RASGRP1: variants seen among roughly 807,000 people sequenced by gnomAD.
RASGRP1 encodes RAS guanyl-releasing protein 1.
Under a neutral mutation model 95.1 loss-of-function variants are expected in RASGRP1, and 37 were observed. That is an observed-to-expected ratio of 0.39 (90% CI 0.30 to 0.51). The LOEUF is 0.51. Ranked by LOEUF, RASGRP1 falls within the 20% of genes least tolerant of loss-of-function variation. The pLI is 0.80. For synonymous variants in RASGRP1, 325 were observed against 353.4 expected (o/e 0.92, Z 0.90); for missense variants, 711 against 965.4 (o/e 0.74, Z 3.49).
chr15:38,537,324 T>C (rs972867277), intron 2 of RASGRP1, among the ~76,000 whole-genome samples: 1 of 152,204 alleles, frequency 6.6e-6, no homozygotes, highest in Non-Finnish European at 1.5e-5. Flanking sequence ...TAGCAGCATT[T>C]GCTTCTGGGA....
chr15:38,494,576 G>A lies in RASGRP1; in HGVS notation c.2065C>T (p.Pro689Ser). The change falls in exon 16 of 17, where the codon CCC (proline) becomes TCC (serine). Residue 689 changes from proline (P) to serine (S), a missense_variant. By Grantham distance (74) the Pro-to-Ser change is moderately conservative. Coordinates refer to ENST00000310803, the MANE Select transcript of RASGRP1 (RefSeq NM_005739.4). ...PWIGSEGPSG[P>S]FVLSSPRKTA... is the part of the protein sequence containing the mutation. ...TTCCTTGGGGAAGACAGCACAAAGG[G>A]ACCTGAAGGGCCCTCACTGCCAATC... The A allele has an allele frequency of 6.4e-7, 1 of 1,565,556 alleles. No homozygotes were observed. Among genetic ancestry groups the A allele is most frequent in the Non-Finnish European group, 8.6e-7 (1 of 1,158,036 alleles).
intron 3 of RASGRP1, among the ~76,000 whole-genome samples, chr15:38,522,279 G>C (rs899493229): frequency 3.3e-5 from 5 of 152,066 alleles, no homozygotes; most frequent in Admixed American, 2.0e-4. Flanking sequence ...CAGTACCCTT[G>C]CAATCTTTTA....
intron 10 of RASGRP1, 62 bp downstream of exon 10, chr15:38,505,778 G>A: frequency 7.7e-7 from 1 of 1,306,182 alleles, no homozygotes; most frequent in Non-Finnish European, 1.1e-6. Context: ...GAGGATGAAT[G>A]AACTCGAGGA....
At chr15:38,533,238 G>C (rs1034714201) in intron 2 of RASGRP1, among the ~76,000 whole-genome samples, 2 of 152,190 alleles carry the variant, frequency 1.3e-5, no homozygotes, top group Admixed American at 6.5e-5. Flanking sequence ...GTGGTAATGG[G>C]AAAGCTAGGA....
chr15:38,538,950 G>A (rs1892762048), intron 2 of RASGRP1, among the ~76,000 whole-genome samples: 1 of 152,158 alleles, frequency 6.6e-6, no homozygotes, highest in African/African-American at 2.4e-5. Context: ...CCCTGGTGCT[G>A]AAGTACTAAT....
chr15:38,504,334 TTTG>T (rs1216753331), intron 10 of RASGRP1: 3 of 152,244 alleles, frequency 2.0e-5, no homozygotes, highest in African/African-American at 7.2e-5. Flanking sequence ...CTTTTACTCT[TTTG>T]TTATGACACT....
chr15:38,551,825 A>G (rs1314989822), intron 2 of RASGRP1, among the ~76,000 whole-genome samples: 2 of 152,240 alleles, frequency 1.3e-5, no homozygotes, highest in Non-Finnish European at 2.9e-5. Context: ...ATAAATAGGC[A>G]AAGGATATGA....
intron 3 of RASGRP1, 63 bp downstream of exon 3, chr15:38,526,236 A>G: frequency 2.3e-6 from 3 of 1,320,134 alleles, no homozygotes; most frequent in Non-Finnish European, 2.2e-6. Flanking sequence ...CATACTTCAA[A>G]TTTCAAGCTA....
chr15:38,494,528 C>T lies in RASGRP1; in HGVS notation c.2113G>A (p.Val705Met). Reference protein sequence around the residue: ...PRKTAQDTLYVLPSPTSPCPS... With the variant: ...PRKTAQDTLYMLPSPTSPCPS... ...CATGGAGAGGTGGGACTGGGAAGCA[C>T]ATATAGAGTATCCTGGGCTGTCTTC... Residue 705 changes from valine (V) to methionine (M), a missense_variant, in exon 16 of 17, where the codon GTG becomes ATG. Coordinates refer to ENST00000310803, the MANE Select transcript of RASGRP1 (RefSeq NM_005739.4). 6.3e-7 allele frequency: 1 copy of T among 1,596,050 alleles called. No individual in the cohort carries two copies. Among genetic ancestry groups the T allele is most frequent in the Non-Finnish European group, 8.5e-7 (1 of 1,170,860 alleles).
intron 16 of RASGRP1, among the ~76,000 whole-genome samples, chr15:38,493,098 T>G (rs1890655991): frequency 6.6e-6 from 1 of 151,792 alleles, no homozygotes; most frequent in South Asian, 2.1e-4. Flanking sequence ...GCCAGGATGG[T>G]CTTGATCTCG....
At chr15:38,503,090 G>C (rs1382549148) in intron 11 of RASGRP1, 182 bp downstream of exon 11, 1 of 604,826 alleles carries the variant, frequency 1.7e-6, no homozygotes, top group African/African-American at 1.9e-5. Flanking sequence ...CTTCATATGA[G>C]TCCAGTGTGT....
intron 11 of RASGRP1, chr15:38,502,985 C>G: frequency 2.2e-6 from 1 of 461,640 alleles, no homozygotes; most frequent in African/African-American, 2.0e-5. Flanking sequence ...CCTTACTATA[C>G]TCAAATGCAT....
At chr15:38,529,243 T>C (rs1020374322) in intron 2 of RASGRP1, among the ~76,000 whole-genome samples, 3 of 152,234 alleles carry the variant, frequency 2.0e-5, no homozygotes, top group East Asian at 3.8e-4. Flanking sequence ...AATCAAGTCA[T>C]GCACTTAGTA....
chr15:38,557,729 C>T (rs1476074576), intron 2 of RASGRP1, among the ~76,000 whole-genome samples: 2 of 151,914 alleles, frequency 1.3e-5, no homozygotes, highest in Non-Finnish European at 2.9e-5. Flanking sequence ...TGAGCACTGC[C>T]TAGCACAGTG....
At chr15:38,541,638 T>G (rs1324255367) in intron 2 of RASGRP1, among the ~76,000 whole-genome samples, 2 of 152,178 alleles carry the variant, frequency 1.3e-5, no homozygotes, top group East Asian at 3.8e-4. Context: ...ATATTCTGAA[T>G]GTCACCCCTG....
At chr15:38,511,781 T>C (rs1179221811) in intron 7 of RASGRP1, 61 bp from the exon 8 acceptor site, 11 of 1,307,472 alleles carry the variant, frequency 8.4e-6, no homozygotes, top group Non-Finnish European at 2.2e-6. Flanking sequence ...ATGGGGAGCT[T>C]AGAGGCTGCC....
intron 3 of RASGRP1, among the ~76,000 whole-genome samples, chr15:38,523,321 C>T (rs925003940): frequency 6.6e-6 from 1 of 152,056 alleles, no homozygotes; most frequent in African/African-American, 2.4e-5. Flanking sequence ...CAATATAGGC[C>T]TAGGCTACTG....
chr15:38,501,433 G>A (rs761693770), intron 12 of RASGRP1, 146 bp from the exon 13 acceptor site: 10 of 922,324 alleles, frequency 1.1e-5, no homozygotes, highest in South Asian at 1.4e-5. Context: ...ACTTCCATGG[G>A]CCCTACTCTT....
intron 10 of RASGRP1, chr15:38,505,071 C>G (rs1214518732): frequency 1.3e-5 from 2 of 152,174 alleles, no homozygotes; most frequent in Non-Finnish European, 1.5e-5. Flanking sequence ...CAATAGAAAG[C>G]TAGAACTTGA....
Sources: gnomAD v4.1 joint callset for allele counts (sites outside exome capture counted in the v4.1 genomes callset) on GRCh38, gnomAD v4.1.1 for gene constraint, MANE v1.5 for transcripts, NCBI Gene and HGNC (gene_info 2026-07-23, HGNC 2026-07-21) for gene names.